The following UBE2G2 variants were observed in gnomAD, a reference collection of about 807,000 sequenced individuals.
The protein encoded by UBE2G2 is ubiquitin-conjugating enzyme E2 G2.
In UBE2G2, 10 loss-of-function variants were observed where a neutral mutation model predicts 23.0. The observed-to-expected ratio is 0.43, with a 90% CI of 0.27 to 0.74. UBE2G2 has a LOEUF of 0.74. Among genes scored for constraint, UBE2G2 ranks in the 30% least tolerant of loss-of-function variants. The probability of loss-of-function intolerance (pLI) is 0.19; values close to 1 mark genes in which losing one functional copy is unlikely to be tolerated. For missense variants in UBE2G2, 150 were observed against 218.3 expected (o/e 0.69, Z 1.97); for synonymous variants, 86 against 81.3 (o/e 1.06, Z -0.31).
chr21:44,769,812 T>C lies in UBE2G2; in HGVS notation c.*1565A>G, dbSNP rs782118668. ...GTTCAGTCACACAGACCACGATCCA[T>C]TATGGAAGGGAGGGAGAAAAGGATC... On this transcript the variant is annotated 3_prime_UTR_variant, in exon 6 of 6. Coordinates refer to ENST00000345496, the MANE Select transcript of UBE2G2 (RefSeq NM_003343.6). 1 of 152,180 alleles carries C rather than the reference T, an allele frequency of 6.6e-6. No individual in the cohort carries two copies. The highest frequency in any genetic ancestry group is 1.5e-5 in the Non-Finnish European group (1 of 68,046). The allele number at this position is 152,180 out of a possible 1,614,324, so 9.4% of individuals were successfully genotyped here.
chr21:44,786,409 G>A (rs940575737), intron 3 of UBE2G2, among the ~76,000 whole-genome samples: 3 of 152,012 alleles, frequency 2.0e-5, no homozygotes, highest in South Asian at 2.1e-4. Context: ...TTCAGACACC[G>A]AAAAAACATG....
intron 1 of UBE2G2, among the ~76,000 whole-genome samples, chr21:44,799,293 G>A (rs782204771): frequency 4.6e-5 from 7 of 152,146 alleles, no homozygotes; most frequent in Non-Finnish European, 7.3e-5. Flanking sequence ...AACAAGAGTC[G>A]CCCTGTCCTT....
chr21:44,800,128 C>G (rs1038216068), intron 1 of UBE2G2: 9 of 152,170 alleles, frequency 5.9e-5, no homozygotes, highest in African/African-American at 1.9e-4. Flanking sequence ...GAGAGAGACA[C>G]GAAGCGAGCA....
At chr21:44,782,792 A>G (rs2082966651) in intron 3 of UBE2G2, among the ~76,000 whole-genome samples, 1 of 152,256 alleles carries the variant, frequency 6.6e-6, no homozygotes, top group African/African-American at 2.4e-5. Flanking sequence ...AAGTCAATCA[A>G]AATAGATCAA....
Position 44,771,557 on chromosome 21 carries a change from C to T in UBE2G2, c.386-68G>A. On this transcript the variant is annotated intron_variant, in intron 5 of 5. Coordinates refer to ENST00000345496, the MANE Select transcript of UBE2G2 (RefSeq NM_003343.6). This position sits in a 1 kb window ranked among gnomAD's most constrained non-coding sequence, Gnocchi z 4.6. Reference sequence around the variant, plus strand: ...TACGTAAGCAGCCTGGCAAGGTCTCCCATTTATTTAAAACACTGGCGGGGG... The same window carrying T: ...TACGTAAGCAGCCTGGCAAGGTCTCTCATTTATTTAAAACACTGGCGGGGG... The T allele has an allele frequency of 1.3e-6, 2 of 1,513,680 alleles. No homozygotes were observed. Among genetic ancestry groups the T allele is most frequent in the South Asian group, 2.2e-5 (2 of 88,970 alleles). 93.8% of individuals were successfully genotyped at this position (1,513,680 alleles called of 1,614,324 possible).
Position 44,773,539 on chromosome 21 carries a change from G to A in UBE2G2, c.385+8C>T, listed in dbSNP as rs200471412. On this transcript the variant is annotated splice_region_variant and intron_variant, in intron 5 of 5. Coordinates refer to ENST00000345496, the MANE Select transcript of UBE2G2 (RefSeq NM_003343.6). ...ACGGCAGCTCCTGCCAGGAGGCTCG[G>A]GCCTTACCTGCCAGCATGCTCACCA... The A allele has an allele frequency of 1.5e-4, 243 of 1,606,092 alleles. 1 individual carries two copies. The African/African-American group carries it at 2.8e-3, about 19-fold the overall frequency.
chr21:44,788,461 T>A (rs2083017832), intron 1 of UBE2G2, among the ~76,000 whole-genome samples: 1 of 151,926 alleles, frequency 6.6e-6, no homozygotes, highest in South Asian at 2.1e-4. Flanking sequence ...AGCTAATTTT[T>A]TGTATTTTTA....
At position 44,772,211 on chromosome 21, in the gene UBE2G2, C is replaced by T. The variant is rs975535137; in HGVS notation, c.386-722G>A. Among the ~76,000 whole-genome samples the T allele has an allele frequency of 1.1e-4, 16 of 152,148 alleles. No homozygotes were observed. Among genetic ancestry groups the T allele is most frequent in the Non-Finnish European group, 2.1e-4 (14 of 68,010 alleles). The stretch of plus-strand genomic sequence containing the variant: ...GAGCAGAGTTGATGAGGATAAAACC[C>T]ACAGCTGACATCTGAGGACAGCCTG... On this transcript the variant is annotated intron_variant, in intron 5 of 5. Transcript: ENST00000345496. This position sits in a 1 kb window ranked among gnomAD's most constrained non-coding sequence, Gnocchi z 5.4.
At chr21:44,774,508 C>A in intron 4 of UBE2G2, 2 of 244,836 alleles carry the variant, frequency 8.2e-6, no homozygotes, top group South Asian at 4.1e-5. Context: ...TTTAACTCAC[C>A]TGAGTTAATA....
chr21:44,776,446 A>C (rs527668571), intron 4 of UBE2G2, among the ~76,000 whole-genome samples: 1 of 152,356 alleles, frequency 6.6e-6, no homozygotes, highest in South Asian at 2.1e-4. Context: ...GGAAATTATA[A>C]CAGTGCTACT....
At chr21:44,799,771 A>G (rs189486880) in intron 1 of UBE2G2, among the ~76,000 whole-genome samples, 34 of 152,334 alleles carry the variant, frequency 2.2e-4, no homozygotes, top group Admixed American at 1.2e-3. Context: ...TGCATTCACA[A>G]CTTGGCTAAC....
intron 1 of UBE2G2, 183 bp downstream of exon 1, chr21:44,801,523 T>C (rs2146413113): frequency 8.9e-7 from 1 of 1,119,584 alleles, no homozygotes; most frequent in Non-Finnish European, 1.2e-6. Flanking sequence ...TCTTCACGAC[T>C]TCACGCGTGA....
intron 3 of UBE2G2, chr21:44,779,152 G>A (rs1275574274): frequency 3.2e-5 from 12 of 377,562 alleles, no homozygotes; most frequent in Non-Finnish European, 5.7e-5. Flanking sequence ...ACCTGGAGGC[G>A]GCACTCAGGG....
intron 1 of UBE2G2, 133 bp downstream of exon 1, chr21:44,801,573 C>T: frequency 7.8e-7 from 1 of 1,284,326 alleles, no homozygotes; most frequent in Non-Finnish European, 1.0e-6. Context: ...TCCGCGGGAC[C>T]CACAGGGGGG....
At chr21:44,794,273 G>C (rs2083067905) in intron 1 of UBE2G2, among the ~76,000 whole-genome samples, 1 of 152,214 alleles carries the variant, frequency 6.6e-6, no homozygotes, top group Non-Finnish European at 1.5e-5. Flanking sequence ...AGCAAACACA[G>C]TGCTGAAACA....
Position 44,801,789 on chromosome 21 carries a change from C to A in UBE2G2, c.-41G>T. Reference sequence around the variant, plus strand: ...GCGCCGAGCGACCTCGCCTCAGCCGCGCGCGTGCCTCCTGCCCCGACACCG... The same window carrying A: ...GCGCCGAGCGACCTCGCCTCAGCCGAGCGCGTGCCTCCTGCCCCGACACCG... On this transcript the variant is annotated 5_prime_UTR_variant, in exon 1 of 6. Transcript: ENST00000345496. 6.6e-7 allele frequency: 1 copy of A among 1,504,174 alleles called. No individual in the cohort carries two copies. The highest frequency in any genetic ancestry group is 8.8e-7 in the Non-Finnish European group (1 of 1,130,266). 93.2% of individuals were successfully genotyped at this position (1,504,174 alleles called of 1,614,324 possible).
At position 44,772,541 on chromosome 21, in the gene UBE2G2, C is replaced by A. The variant is rs2082881992; in HGVS notation, c.385+1006G>T. ...GACCCCTCCCTGCTATGCTGTCACC[C>A]TCCGTCCTACTCCATCACCTACTGC... On this transcript the variant is annotated intron_variant, in intron 5 of 5. Coordinates refer to ENST00000345496, the MANE Select transcript of UBE2G2 (RefSeq NM_003343.6). The surrounding 1 kb of genome is among the most constrained non-coding windows in gnomAD (Gnocchi z 5.4). Among the ~76,000 whole-genome samples the A allele has an allele frequency of 6.6e-6, 1 of 152,100 alleles. No individual in the cohort carries two copies. The highest frequency in any genetic ancestry group is 1.5e-5 in the Non-Finnish European group (1 of 68,000).
chr21:44,771,287 T>A lies in UBE2G2; in HGVS notation c.*90A>T. ...GTTCTTGCAAGTCTGCCTTGTTTGG[T>A]ACCAGCACAGAGCATCACTGTCACT... is the stretch of plus-strand genomic sequence containing the variant. On this transcript the variant is annotated 3_prime_UTR_variant, in exon 6 of 6. Coordinates refer to ENST00000345496, the MANE Select transcript of UBE2G2 (RefSeq NM_003343.6). The surrounding 1 kb of genome is among the most constrained non-coding windows in gnomAD (Gnocchi z 4.6). 8.1e-7 allele frequency: 1 copy of A among 1,240,988 alleles called. No homozygotes were observed. Among genetic ancestry groups the A allele is most frequent in the South Asian group, 1.3e-5 (1 of 79,314 alleles). The allele number at this position is 1,240,988 out of a possible 1,614,324, so 76.9% of individuals were successfully genotyped here.
At chr21:44,777,689 T>A (rs1555960776) in intron 3 of UBE2G2, among the ~76,000 whole-genome samples, 1 of 152,018 alleles carries the variant, frequency 6.6e-6, no homozygotes, top group Non-Finnish European at 1.5e-5. Context: ...ATGACTGTAA[T>A]CCCAGCTACT....
Sources: gnomAD v4.1 joint callset for allele counts (sites outside exome capture counted in the v4.1 genomes callset) on GRCh38, gnomAD v4.1.1 for gene constraint, Gnocchi (gnomAD v3.1) non-coding constraint, MANE v1.5 for transcripts, NCBI Gene and HGNC (gene_info 2026-07-23, HGNC 2026-07-21) for gene names.